Variants in LY6S observed in about 807,000 individuals in gnomAD.
LY6S encodes lymphocyte antigen 6S.
the LY6S span, among the ~76,000 whole-genome samples, chr8:143,050,421 C>T: frequency 1.3e-5 from 2 of 151,982 alleles, no homozygotes; most frequent in Admixed American, 6.6e-5. Flanking sequence ...CCTAAAGTGA[C>T]CCACCCGTCT....
At chr8:143,051,971 C>CA in the LY6S span, among the ~76,000 whole-genome samples, 1,372 of 78,086 alleles carry the variant, frequency 0.018, 24 homozygotes, top group East Asian at 0.095. Context: ...GACTCTGTCT[C>CA]AAAAAAAAAA....
At chr8:143,075,758 G>T in the LY6S span, among the ~76,000 whole-genome samples, 1 of 152,212 alleles carries the variant, frequency 6.6e-6, no homozygotes, top group South Asian at 2.1e-4. This position sits in a 1 kb window ranked among gnomAD's most constrained non-coding sequence, Gnocchi z 4.1. Flanking sequence ...TATAGGGTTA[G>T]ATTTTTCTCA....
At chr8:143,061,692 G>A in the LY6S span, among the ~76,000 whole-genome samples, 1 of 151,780 alleles carries the variant, frequency 6.6e-6, no homozygotes, top group Admixed American at 6.6e-5. Context: ...TCACAGGCAT[G>A]TGCCACCATG....
chr8:143,041,058 C>T, the LY6S span, among the ~76,000 whole-genome samples: 7 of 152,174 alleles, frequency 4.6e-5, no homozygotes, highest in East Asian at 1.9e-4. Flanking sequence ...GGGACCGGGG[C>T]GAAATTAAAA....
the LY6S span, among the ~76,000 whole-genome samples, chr8:143,069,592 C>G: frequency 1.3e-5 from 2 of 152,318 alleles, no homozygotes; most frequent in South Asian, 4.1e-4. Context: ...AACTGGGACC[C>G]AAGACAGCCA....
At chr8:143,052,109 G>A in the LY6S span, among the ~76,000 whole-genome samples, 7 of 151,632 alleles carry the variant, frequency 4.6e-5, no homozygotes, top group South Asian at 4.2e-4. Flanking sequence ...GTGAAACCCC[G>A]TCTCTACTAA....
chr8:143,066,610 A>G, the LY6S span: 2 of 231,014 alleles, frequency 8.7e-6, no homozygotes, highest in Non-Finnish European at 1.8e-5. Context: ...GACCGGAAAG[A>G]GGACAGTTGT....
the LY6S span, chr8:143,043,319 G>GT: frequency 8.6e-7 from 1 of 1,160,698 alleles, no homozygotes; most frequent in Non-Finnish European, 1.2e-6. Flanking sequence ...GGGAGAGCTT[G>GT]TTCTCCCCTC....
chr8:143,058,157 G>A, the LY6S span, among the ~76,000 whole-genome samples: 1 of 152,148 alleles, frequency 6.6e-6, no homozygotes, highest in Non-Finnish European at 1.5e-5. Context: ...GCCCCACAGG[G>A]TAGGTGGGTC....
the LY6S span, among the ~76,000 whole-genome samples, chr8:143,062,198 A>G: frequency 6.6e-6 from 1 of 152,264 alleles, no homozygotes; most frequent in East Asian, 1.9e-4. Context: ...CAAAATATAC[A>G]TAAATTTAAC....
the LY6S span, among the ~76,000 whole-genome samples, chr8:143,067,783 G>A: frequency 6.6e-6 from 1 of 152,202 alleles, no homozygotes; most frequent in Non-Finnish European, 1.5e-5. Context: ...GCCTGGATGT[G>A]CACGTAGGCT....
the LY6S span, among the ~76,000 whole-genome samples, chr8:143,075,628 C>T: frequency 3.3e-5 from 5 of 152,032 alleles, no homozygotes; most frequent in Non-Finnish European, 7.4e-5. The surrounding 1 kb of genome is among the most constrained non-coding windows in gnomAD (Gnocchi z 4.1). Context: ...CACTTGAGCC[C>T]GGGAGACAGA....
At chr8:143,041,441 C>T in the LY6S span, among the ~76,000 whole-genome samples, 3 of 152,196 alleles carry the variant, frequency 2.0e-5, no homozygotes, top group African/African-American at 4.8e-5. Flanking sequence ...GTTCCCTGAA[C>T]GTTGCTGTTA....
At chr8:143,069,843 C>T in the LY6S span, among the ~76,000 whole-genome samples, 1 of 152,204 alleles carries the variant, frequency 6.6e-6, no homozygotes, top group African/African-American at 2.4e-5. Context: ...TCTACAAGCC[C>T]ACCAGTAAAG....
At chr8:143,056,517 C>G in the LY6S span, among the ~76,000 whole-genome samples, 1 of 152,104 alleles carries the variant, frequency 6.6e-6, no homozygotes, top group Non-Finnish European at 1.5e-5. Flanking sequence ...TTAGCACATA[C>G]ATTTCTTACT....
At chr8:143,064,123 T>G in the LY6S span, among the ~76,000 whole-genome samples, 4 of 152,244 alleles carry the variant, frequency 2.6e-5, no homozygotes, top group Non-Finnish European at 5.9e-5. Context: ...TTCACATGCA[T>G]GCTGATGTTT....
the LY6S span, among the ~76,000 whole-genome samples, chr8:143,054,899 T>C: frequency 3.9e-5 from 6 of 152,178 alleles, no homozygotes; most frequent in African/African-American, 1.2e-4. Flanking sequence ...TCATGAGTCT[T>C]CAACAGCAGC....
chr8:143,065,088 G>A, the LY6S span, among the ~76,000 whole-genome samples: 7 of 152,192 alleles, frequency 4.6e-5, no homozygotes, highest in African/African-American at 1.7e-4. Flanking sequence ...ATTTTGGGCT[G>A]GAGCTTCTTG....
chr8:143,073,867 A>G, the LY6S span, among the ~76,000 whole-genome samples: 66 of 60,256 alleles, frequency 1.1e-3, no homozygotes, highest in East Asian at 4.1e-3. Flanking sequence ...GGAGACAGCC[A>G]TCGTCCCCGG....
Sources: allele counts gnomAD v4.1 joint callset (sites outside exome capture counted in the v4.1 genomes callset), GRCh38; gene constraint gnomAD v4.1.1; non-coding constraint Gnocchi (gnomAD v3.1); transcripts MANE v1.5; gene names NCBI Gene and HGNC (gene_info 2026-07-23, HGNC 2026-07-21).